MED19: variants seen among roughly 807,000 people sequenced by gnomAD.
MED19 encodes mediator of RNA polymerase II transcription subunit 19.
A neutral mutation model predicts 19.9 loss-of-function variants in MED19; 4 were observed. The observed-to-expected ratio is 0.20, with a 90% CI of 0.10 to 0.46. The LOEUF is 0.46. MED19 is among the 20% of genes least tolerant of loss of function. The probability of loss-of-function intolerance (pLI) is 0.99; values close to 1 mark genes in which losing one functional copy is unlikely to be tolerated. For missense variants in MED19, 303 were observed against 318.7 expected, an observed-to-expected ratio of 0.95 and a Z score of 0.38; for synonymous variants, 139 against 119.6, an observed-to-expected ratio of 1.16 and a Z score of -1.06.
intron 1 of MED19, 117 bp from the exon 2 acceptor site, chr11:57,705,346 A>G (rs2135414886): frequency 8.2e-7 from 1 of 1,217,014 alleles, no homozygotes; most frequent in Non-Finnish European, 1.1e-6. Context: ...AAAATTTAAA[A>G]TTTATTTTTA....
At chr11:57,711,877 G>C in intron 1 of MED19, 86 bp downstream of exon 1, 1 of 1,348,310 alleles carries the variant, frequency 7.4e-7, no homozygotes, top group East Asian at 3.0e-5. Context: ...AGGTTACCTC[G>C]CACCTCCGCT....
Position 57,704,146 on chromosome 11 carries a change from A to T in MED19, c.667-40T>A, listed in dbSNP as rs1946480121. The T allele has an allele frequency of 2.0e-6, 3 of 1,535,860 alleles. No homozygotes were observed. The African/African-American group carries it at 4.1e-5, about 21-fold the overall frequency. On this transcript the variant is annotated intron_variant, in intron 4 of 4. Transcript: ENST00000431606. ...AGCAGGGTAAGAACAACTAGGAACTAGCCTTGGCTTTGATCAGGCTGTACA... is the reference window on the plus strand; with the variant it reads ...AGCAGGGTAAGAACAACTAGGAACTTGCCTTGGCTTTGATCAGGCTGTACA...
At chr11:57,704,812 G>A in exon 3 of MED19, 1 of 1,613,432 alleles carries the variant, frequency 6.2e-7, no homozygotes. Context: ...CACTGCTCCG[G>A]CAACTGAAGG....
intron 1 of MED19, among the ~76,000 whole-genome samples, chr11:57,709,558 C>T (rs985205300): frequency 1.3e-5 from 2 of 151,918 alleles, no homozygotes; most frequent in African/African-American, 2.4e-5. Context: ...CTTCTATATA[C>T]AATATATATT....
intron 1 of MED19, among the ~76,000 whole-genome samples, chr11:57,710,196 T>A (rs1311580103): frequency 6.6e-6 from 1 of 152,134 alleles, no homozygotes; most frequent in African/African-American, 2.4e-5. Flanking sequence ...ACCCAGTCTC[T>A]ACAAAAAAAT....
At chr11:57,707,389 C>T (rs1263675457) in intron 1 of MED19, among the ~76,000 whole-genome samples, 5 of 152,070 alleles carry the variant, frequency 3.3e-5, no homozygotes, top group African/African-American at 9.7e-5. Flanking sequence ...ACAAAAATGG[C>T]TTGTTTATAA....
At chr11:57,705,204 C>T (rs759175691) in exon 2 of MED19, 156 of 1,613,974 alleles carry the variant, frequency 9.7e-5, no homozygotes, top group Non-Finnish European at 1.2e-4. Flanking sequence ...TGATCAGATT[C>T]GTGCTGCCTG....
exon 3 of MED19, chr11:57,704,791 G>A: frequency 6.2e-7 from 1 of 1,607,318 alleles, no homozygotes. Context: ...GGCTGAATAT[G>A]CATCAGACGA....
chr11:57,711,844 C>G (rs2135424452), intron 1 of MED19, 119 bp downstream of exon 1: 2 of 1,150,352 alleles, frequency 1.7e-6, no homozygotes, highest in East Asian at 3.1e-5. Flanking sequence ...CTTAGGGCTC[C>G]ACAGTCCGGG....
At chr11:57,705,089 C>G in exon 2 of MED19, 1 of 1,614,154 alleles carries the variant, frequency 6.2e-7, no homozygotes, top group Non-Finnish European at 8.5e-7. Context: ...TCATGGGAAC[C>G]AGGCAGATCA....
exon 1 of MED19, chr11:57,712,143 C>G: frequency 6.5e-7 from 1 of 1,532,130 alleles, no homozygotes; most frequent in Non-Finnish European, 8.8e-7. Flanking sequence ...GGTGGTGGGT[C>G]AGCCTGAGCC....
chr11:57,712,008 A>G (rs1273023834), exon 1 of MED19: 2 of 1,529,046 alleles, frequency 1.3e-6, no homozygotes, highest in African/African-American at 2.8e-5. Context: ...CCAGCTCCTG[A>G]CTTGTCCGCG....
chr11:57,703,913 G>C, exon 5 of MED19: 1 of 1,389,198 alleles, frequency 7.2e-7, no homozygotes, highest in Non-Finnish European at 9.5e-7. Context: ...AGCCCAACAG[G>C]AGCTGGCCTC....
intron 2 of MED19, 22 bp downstream of exon 2, chr11:57,704,951 T>A (rs764625287): frequency 3.1e-6 from 5 of 1,608,350 alleles, no homozygotes; most frequent in Middle Eastern, 1.7e-4. Context: ...CCCATTTGCC[T>A]TCTTCCTCCA....
chr11:57,710,844 C>G (rs994503362), intron 1 of MED19, among the ~76,000 whole-genome samples: 1 of 152,108 alleles, frequency 6.6e-6, no homozygotes, highest in African/African-American at 2.4e-5. Flanking sequence ...TACAGGCATG[C>G]ATTACCACGC....
chr11:57,704,264 G>A, intron 4 of MED19, 38 bp downstream of exon 4: 31 of 1,530,322 alleles, frequency 2.0e-5, no homozygotes, highest in Non-Finnish European at 2.7e-5. Context: ...GAGATCTGGG[G>A]AAACTCACTG....
chr11:57,704,719 C>T, exon 3 of MED19: 1 of 1,410,388 alleles, frequency 7.1e-7, no homozygotes, highest in Non-Finnish European at 9.6e-7. Context: ...TGCTTCTTAC[C>T]TGGGGGGACA....
chr11:57,709,376 T>C (rs1483944051), intron 1 of MED19, among the ~76,000 whole-genome samples: 1 of 147,616 alleles, frequency 6.8e-6, no homozygotes, highest in Non-Finnish European at 1.5e-5. Context: ...AGCAAAACTC[T>C]GTTTAAAAAA....
rs202182084 is a variant in MED19 at position 57,708,305 on chromosome 11, CT to C, written c.218-3077del. Among the ~76,000 whole-genome samples, 3 of 152,116 alleles carry C rather than the reference CT, an allele frequency of 2.0e-5. No homozygotes were observed. In the East Asian group the frequency reaches 5.8e-4, roughly 29 times the overall value. On this transcript the variant is annotated intron_variant, in intron 1 of 4. Transcript: ENST00000431606. Reference sequence around the variant, plus strand: ...TGCCCTCAGGAGAAAGCTCAAATTCCTTTGACTGGCACTCAAGGCTAATTAC... The same window carrying C: ...TGCCCTCAGGAGAAAGCTCAAATTCCTTGACTGGCACTCAAGGCTAATTAC...
Sources: allele counts gnomAD v4.1 joint callset (sites outside exome capture counted in the v4.1 genomes callset), GRCh38; gene constraint gnomAD v4.1.1; transcripts MANE v1.5; gene names NCBI Gene and HGNC (gene_info 2026-07-23, HGNC 2026-07-21).